DHX8: variants seen among roughly 807,000 people sequenced by gnomAD.
DHX8 encodes DEAH-box helicase 8.
In DHX8, 67 loss-of-function variants were observed where a neutral mutation model predicts 140.7. The ratio of observed to expected loss-of-function variants is 0.48; its 90% CI spans 0.39 to 0.58. The LOEUF (loss-of-function observed/expected upper bound fraction) is 0.58. Among genes scored for constraint, DHX8 ranks in the 20% least tolerant of loss-of-function variants. The pLI, the probability that DHX8 is intolerant of heterozygous loss-of-function variation, is 0.00. For synonymous variants in DHX8, 533 were observed against 553.2 expected (o/e 0.96, Z 0.51); for missense variants, 887 against 1,550.7 (o/e 0.57, Z 7.19).
downstream of DHX8, chr17:43,525,969 A>C (rs1970600515): frequency 1.0e-6 from 1 of 985,332 alleles, no homozygotes; most frequent in Admixed American, 6.1e-5. Context: ...TTTCTGGCTC[A>C]GGTGGAGGAA....
Position 43,491,266 on chromosome 17 carries a change from T to G in DHX8, c.393+16T>G. The G allele has an allele frequency of 1.5e-6, 2 of 1,367,516 alleles. No individual in the cohort carries two copies. The highest frequency in any genetic ancestry group is 2.0e-6 in the Non-Finnish European group (2 of 1,006,100). The allele number at this position is 1,367,516 out of a possible 1,614,324, so 84.7% of individuals were successfully genotyped here. A position where few individuals can be genotyped will look rare whatever the true frequency, so the allele number is the denominator to read the frequency against. ...TTCTGTTCGGGTACTGATACCATTT[T>G]AAGAGTGTCTACTATAAATATATAT... On this transcript the variant is annotated intron_variant, in intron 4 of 22. Coordinates refer to ENST00000262415, the MANE Select transcript of DHX8 (RefSeq NM_004941.3).
chr17:43,542,701 T>C (rs1277467927), intron 3 of DHX8, among the ~76,000 whole-genome samples: 4 of 152,172 alleles, frequency 2.6e-5, no homozygotes, highest in Non-Finnish European at 2.9e-5. Context: ...CGCAGGACAC[T>C]GAACCTGCAA....
chr17:43,509,657 T>C (rs1189183225), intron 16 of DHX8, among the ~76,000 whole-genome samples: 6 of 151,080 alleles, frequency 4.0e-5, no homozygotes, highest in Admixed American at 4.0e-4. Flanking sequence ...CTAATTTTGG[T>C]TTTTGTTTTT....
At chr17:43,531,026 G>A (rs1178441700), downstream of DHX8, among the ~76,000 whole-genome samples, 1 of 152,132 alleles carries the variant, frequency 6.6e-6, no homozygotes, top group African/African-American at 2.4e-5. Flanking sequence ...GAAGGTCAGC[G>A]GCAAGAGTGC....
chr17:43,540,466 AAAAAT>A (rs1567714665), intron 3 of DHX8, among the ~76,000 whole-genome samples: 1 of 152,184 alleles, frequency 6.6e-6, no homozygotes, highest in Non-Finnish European at 1.5e-5. Context: ...TAACAATAAT[AAAAAT>A]AAAATAAAAA....
chr17:43,530,246 G>T, downstream of DHX8: 3 of 1,549,714 alleles, frequency 1.9e-6, no homozygotes, highest in South Asian at 2.4e-5. Flanking sequence ...AGGGGAGGAG[G>T]AAGTCCTATC....
chr17:43,520,179 C>A lies in DHX8; in HGVS notation c.2849C>A (p.Pro950His). 6.2e-7 allele frequency: 1 copy of A among 1,614,144 alleles called. No homozygotes were observed. Among genetic ancestry groups the A allele is most frequent in the Non-Finnish European group, 8.5e-7 (1 of 1,180,022 alleles). ...TCCTTTGATTTCATGGATGCCCCAC[C>A]TATGGAAACTTTGATCACAGCCATG... Reference protein sequence around the residue: ...LLSFDFMDAPPMETLITAMEQ... With the variant: ...LLSFDFMDAPHMETLITAMEQ... Residue 950 changes from proline to histidine, a missense_variant, in exon 19 of 23, where the codon CCT (proline) becomes CAT (histidine). By Grantham distance (77) the Pro-to-His change is moderately conservative (BLOSUM62 -2). Coordinates refer to ENST00000262415, the MANE Select transcript of DHX8 (RefSeq NM_004941.3).
intron 1 of DHX8, among the ~76,000 whole-genome samples, chr17:43,488,111 G>C (rs1968280397): frequency 6.6e-6 from 1 of 151,982 alleles, no homozygotes; most frequent in East Asian, 1.9e-4. Context: ...AATCCTGTCT[G>C]TACTAAAAAT....
intron 22 of DHX8, 94 bp downstream of exon 22, chr17:43,522,320 C>A: frequency 7.9e-7 from 1 of 1,273,278 alleles, no homozygotes. Flanking sequence ...TCACTACTCC[C>A]AGTATGTCCT....
At chr17:43,512,695 G>C (rs1276117354) in intron 16 of DHX8, among the ~76,000 whole-genome samples, 1 of 152,198 alleles carries the variant, frequency 6.6e-6, no homozygotes, top group African/African-American at 2.4e-5. Context: ...GGCATGATGC[G>C]TGATATTCCG....
In DHX8 at chr17:43,539,111, C is replaced by A. The variant is rs114345603; in HGVS notation, c.*20+2613C>A. Among the ~76,000 whole-genome samples, 762 of 152,310 alleles carry A rather than the reference C, an allele frequency of 5.0e-3. 4 individuals are homozygous for A. Among genetic ancestry groups the A allele is most frequent in the African/African-American group, 0.018 (740 of 41,544 alleles). ...AGGTGTCACAGTGATCTTTTTACAA[C>A]AGAAATAAAATCATTTCTCTCTGTT... On this transcript the variant is annotated intron_variant, in intron 3 of 3. Coordinates refer to the DHX8 transcript ENST00000589898.
intron 2 of DHX8, among the ~76,000 whole-genome samples, chr17:43,535,268 G>A (rs563132054): frequency 6.7e-6 from 1 of 149,476 alleles, no homozygotes; most frequent in Non-Finnish European, 1.5e-5. Flanking sequence ...ATTAAAGCAG[G>A]GTTTGTTTTT....
rs561289936 is a variant in DHX8, at chr17:43,543,665, G to A, written c.*21-497G>A. On this transcript the variant is annotated intron_variant, in intron 3 of 3. Transcript: ENST00000589898. ...AACCTCAGAAGAAGGATGGGGAGAC[G>A]GGGCAAAGCTCTGCCTGTAAATTGG... Among the ~76,000 whole-genome samples the A allele has an allele frequency of 4.6e-5, 7 of 152,266 alleles. No homozygotes were observed. The East Asian group carries it at 5.8e-4, about 13-fold the overall frequency.
At chr17:43,501,220 C>T (rs1969176246) in intron 11 of DHX8, among the ~76,000 whole-genome samples, 1 of 152,000 alleles carries the variant, frequency 6.6e-6, no homozygotes, top group Admixed American at 6.6e-5. Context: ...GAAATCGAGA[C>T]CCAAAGGATA....
At chr17:43,530,595 C>T (rs1970866136), downstream of DHX8, among the ~76,000 whole-genome samples, 1 of 127,282 alleles carries the variant, frequency 7.9e-6, no homozygotes, top group South Asian at 2.5e-4. Context: ...GGTTCCCAGC[C>T]CTGTGCACGC....
rs531425257 is a variant in DHX8 at position 43,485,498 on chromosome 17, C to A, written c.148+1313C>A. Among the ~76,000 whole-genome samples the A allele has an allele frequency of 1.1e-3, 173 of 152,222 alleles. 1 individual carries two copies. The highest frequency in any genetic ancestry group is 2.2e-3 in the Non-Finnish European group (148 of 68,010). ...GCCAAGATGTGTCTGTCCTATATAA[C>A]TTTTCCCGCAGGATTCTTCTCTTTT... is the stretch of plus-strand genomic sequence containing the variant. On this transcript the variant is annotated intron_variant, in intron 1 of 22. Coordinates refer to ENST00000262415, the MANE Select transcript of DHX8 (RefSeq NM_004941.3).
intron 9 of DHX8, among the ~76,000 whole-genome samples, chr17:43,498,143 T>G (rs868341695): frequency 6.6e-5 from 10 of 151,354 alleles, no homozygotes; most frequent in Non-Finnish European, 1.5e-4. Flanking sequence ...GGAAGGTGTT[T>G]TTTTTTTTTT....
In DHX8 at chr17:43,532,077, C is replaced by T. The variant is rs193181403; in HGVS notation, c.351-4335C>T. Among the ~76,000 whole-genome samples the T allele has an allele frequency of 1.4e-4, 22 of 152,318 alleles. No individual in the cohort carries two copies. The East Asian group carries it at 4.0e-3, about 28-fold the overall frequency. ...GTCTCACTTTGTTGCCTAAGCTGGC[C>T]TTGAACTAATTCCTGGGCTCAAACG... On this transcript the variant is annotated intron_variant, in intron 2 of 3. Transcript: ENST00000589898.
chr17:43,486,705 CCT>C (rs1232421651), intron 1 of DHX8, among the ~76,000 whole-genome samples: 1 of 151,876 alleles, frequency 6.6e-6, no homozygotes, highest in African/African-American at 2.4e-5. Context: ...ATGGTGAAAC[CCT>C]GTCTTACTAA....
Sources: allele counts gnomAD v4.1 joint callset (sites outside exome capture counted in the v4.1 genomes callset), GRCh38; gene constraint gnomAD v4.1.1; transcripts MANE v1.5; gene names NCBI Gene and HGNC (gene_info 2026-07-23, HGNC 2026-07-21).